CCDC191: variants seen among roughly 807,000 people sequenced by gnomAD.
CCDC191 encodes the protein coiled-coil domain containing 191.
CCDC191 carries 99 observed loss-of-function variants against 114.0 expected under a neutral mutation model. The ratio of observed to expected loss-of-function variants is 0.87; its 90% CI spans 0.74 to 1.03. The LOEUF is 1.03. Among genes scored for constraint, CCDC191 ranks in the 50% least tolerant of loss-of-function variants. The probability of loss-of-function intolerance (pLI) is 0.00; values close to 1 mark genes in which losing one functional copy is unlikely to be tolerated. For missense variants in CCDC191, 973 were observed against 1,087.0 expected (o/e 0.90, Z 1.47); for synonymous variants, 351 against 376.0 (o/e 0.93, Z 0.77).
intron 13 of CCDC191, 100 bp downstream of exon 13, chr3:114,001,495 T>C: frequency 6.8e-7 from 1 of 1,464,354 alleles, no homozygotes; most frequent in Non-Finnish European, 9.2e-7. Flanking sequence ...GAGAAGAGTA[T>C]TCCAGATAGA....
chr3:113,981,933 A>G lies in CCDC191; in HGVS notation c.2164-1140T>C, dbSNP rs979909672. Among the ~76,000 whole-genome samples the G allele has an allele frequency of 4.6e-5, 7 of 152,174 alleles. No homozygotes were observed. The East Asian group carries it at 5.8e-4, about 13-fold the overall frequency. ...ATGGCCAGAGAGAAAATTTACAACAATTTTCTCATGCATAGTAAGAGGAAG... is the reference window on the plus strand; with the variant it reads ...ATGGCCAGAGAGAAAATTTACAACAGTTTTCTCATGCATAGTAAGAGGAAG... On this transcript the variant is annotated intron_variant, in intron 13 of 16. Coordinates refer to ENST00000295878, the MANE Select transcript of CCDC191 (RefSeq NM_020817.2).
intron 9 of CCDC191, among the ~76,000 whole-genome samples, chr3:114,010,059 G>A (rs886096956): frequency 6.6e-6 from 1 of 152,052 alleles, no homozygotes; most frequent in African/African-American, 2.4e-5. Context: ...AACTACTATT[G>A]CAGAAGTGTA....
In CCDC191 at chr3:114,004,717, C is replaced by G; in HGVS notation, c.1898G>C (p.Gly633Ala). The G allele has an allele frequency of 6.2e-7, 1 of 1,612,010 alleles. No individual in the cohort carries two copies. Among genetic ancestry groups the G allele is most frequent in the Non-Finnish European group, 8.5e-7 (1 of 1,179,120 alleles). Residue 633 changes from glycine to alanine, a missense_variant, in exon 11 of 17, where the codon GGC (glycine) becomes GCC (alanine). Coordinates refer to ENST00000295878, the MANE Select transcript of CCDC191 (RefSeq NM_020817.2). Reference sequence around the variant, plus strand: ...AAGAGAATTTCGGGAGTCACTTCTGCCTTCAGTCCCAGGGGAAGCAACAGG... The same window carrying G: ...AAGAGAATTTCGGGAGTCACTTCTGGCTTCAGTCCCAGGGGAAGCAACAGG... ...NSPVASPGTEGRSDSRNSLSG... is the reference protein window; with the variant it reads ...NSPVASPGTEARSDSRNSLSG...
intron 13 of CCDC191, among the ~76,000 whole-genome samples, chr3:113,982,729 A>C (rs2075202665): frequency 6.6e-6 from 1 of 151,790 alleles, no homozygotes; most frequent in African/African-American, 2.4e-5. Flanking sequence ...TCTAGAATAT[A>C]TTCCTGCTTA....
chr3:113,998,507 T>C (rs1433755738), intron 13 of CCDC191, among the ~76,000 whole-genome samples: 1 of 151,996 alleles, frequency 6.6e-6, no homozygotes, highest in Non-Finnish European at 1.5e-5. Context: ...GATCGCCCAA[T>C]GGGCTCATAA....
intron 6 of CCDC191, among the ~76,000 whole-genome samples, chr3:114,032,227 A>G (rs1029486475): frequency 2.0e-5 from 3 of 152,204 alleles, no homozygotes; most frequent in Non-Finnish European, 2.9e-5. Context: ...ATCAGGTGTT[A>G]TTGAATAAGG....
chr3:113,987,192 G>A (rs1407301203), intron 13 of CCDC191, among the ~76,000 whole-genome samples: 1 of 148,762 alleles, frequency 6.7e-6, no homozygotes, highest in Non-Finnish European at 1.5e-5. Context: ...TACTTTAAAA[G>A]TGAAGGAAAA....
At chr3:113,990,781 CACA>C (rs1418710580) in intron 13 of CCDC191, among the ~76,000 whole-genome samples, 1 of 151,140 alleles carries the variant, frequency 6.6e-6, no homozygotes, top group Non-Finnish European at 1.5e-5. Context: ...ATCCTAATAC[CACA>C]ACAAGACAAA....
intron 1 of CCDC191, among the ~76,000 whole-genome samples, chr3:114,055,366 T>C (rs1438011844): frequency 1.3e-5 from 2 of 152,236 alleles, no homozygotes; most frequent in Non-Finnish European, 2.9e-5. Context: ...ATCCAATACA[T>C]TATGCAACTG....
chr3:114,036,818 T>C (rs1406539508), intron 4 of CCDC191, 32 bp from the exon 5 acceptor site: 1 of 1,437,298 alleles, frequency 7.0e-7, no homozygotes, highest in East Asian at 2.6e-5. Flanking sequence ...AAAAGGGAAT[T>C]TTTTTAAAAA....
At position 114,053,620 on chromosome 3, in the gene CCDC191, C is replaced by A. The variant is rs2076726767; in HGVS notation, c.106G>T (p.Asp36Tyr). 1 of 1,589,420 alleles carries A rather than the reference C, an allele frequency of 6.3e-7. No homozygotes were observed. Among genetic ancestry groups the A allele is most frequent in the Non-Finnish European group, 8.6e-7 (1 of 1,160,714 alleles). ...KPSPKPTFGP[D>Y]SVEHWIKRVE... ...ACCTTTATCCAGTGTTCCACACTGT[C>A]AGGACCAAAAGTAGGCTGTAGATAA... Residue 36 changes from aspartate (D) to tyrosine (Y), a missense_variant, in exon 2 of 17, where the codon GAC becomes TAC. Asp to Tyr is a radical substitution (Grantham distance 160). Transcript: ENST00000295878.
intron 3 of CCDC191, among the ~76,000 whole-genome samples, chr3:114,043,951 C>A (rs901533933): frequency 6.6e-6 from 1 of 151,880 alleles, no homozygotes; most frequent in Non-Finnish European, 1.5e-5. Flanking sequence ...TTTACTGAGA[C>A]GGGGAAGGCC....
intron 13 of CCDC191, among the ~76,000 whole-genome samples, chr3:114,000,441 T>C (rs2075832819): frequency 2.0e-5 from 3 of 152,322 alleles, no homozygotes; most frequent in South Asian, 4.1e-4. Flanking sequence ...AGATGGCAGA[T>C]GGCAGATCAT....
At chr3:114,046,491 A>T (rs2076631339) in intron 3 of CCDC191, 100 bp downstream of exon 3, 3 of 778,314 alleles carry the variant, frequency 3.9e-6, no homozygotes, top group South Asian at 3.1e-5. Flanking sequence ...AAGGGAAATT[A>T]AGAACAAGAG....
intron 16 of CCDC191, among the ~76,000 whole-genome samples, chr3:113,976,258 C>G (rs1456076142): frequency 1.3e-5 from 2 of 149,780 alleles, no homozygotes; most frequent in African/African-American, 4.9e-5. Context: ...GACTTTGTCT[C>G]AGGGTAAAAA....
chr3:113,970,260 T>G (rs145854063), intron 16 of CCDC191, among the ~76,000 whole-genome samples: 145 of 152,314 alleles, frequency 9.5e-4, no homozygotes, highest in Non-Finnish European at 1.7e-3. Flanking sequence ...GGTGGAGTCT[T>G]TAGGTTTTTC....
At chr3:114,023,031 G>T (rs535783994) in intron 7 of CCDC191, among the ~76,000 whole-genome samples, 10 of 152,144 alleles carry the variant, frequency 6.6e-5, no homozygotes, top group African/African-American at 9.7e-5. Context: ...CAAAATCAAT[G>T]TGCAAAAACC....
At chr3:113,998,495 G>GA (rs2075782707) in intron 13 of CCDC191, among the ~76,000 whole-genome samples, 1 of 152,060 alleles carries the variant, frequency 6.6e-6, no homozygotes, top group African/African-American at 2.4e-5. Context: ...CTGACCTCCT[G>GA]AGATCGCCCA....
At chr3:114,053,755 T>C (rs892345164) in intron 1 of CCDC191, 120 bp from the exon 2 acceptor site, 1 of 571,688 alleles carries the variant, frequency 1.7e-6, no homozygotes, top group African/African-American at 1.9e-5. Flanking sequence ...CCCCAAAGCA[T>C]TTCATTAGAA....
Sources: allele counts gnomAD v4.1 joint callset (sites outside exome capture counted in the v4.1 genomes callset), GRCh38; gene constraint gnomAD v4.1.1; transcripts MANE v1.5; gene names NCBI Gene and HGNC (gene_info 2026-07-23, HGNC 2026-07-21).